Variants in HEPH observed in about 807,000 individuals in gnomAD.
HEPH encodes hephaestin.
HEPH carries 69 observed loss-of-function variants against 80.8 expected under a neutral mutation model. The observed-to-expected ratio is 0.85, with a 90% CI of 0.70 to 1.04. The LOEUF (loss-of-function observed/expected upper bound fraction) is 1.04, where lower values mean the gene tolerates loss of function less well. Ranked by LOEUF, HEPH falls within the 50% of genes least tolerant of loss-of-function variation. HEPH has a pLI of 0.00. For synonymous variants in HEPH, 431 were observed against 322.8 expected (o/e 1.34, Z -3.60); for missense variants, 1,115 against 891.3 (o/e 1.25, Z -3.20).
chrX:66,239,898 C>T (rs760947073), intron 15 of HEPH, among the ~76,000 whole-genome samples: 12 of 111,748 alleles, frequency 1.1e-4, no homozygotes, highest in Admixed American at 2.9e-4. Flanking sequence ...CTCCCACCTT[C>T]GTCACCCTTG....
chrX:66,190,369 A>C (rs1396953036), intron 6 of HEPH, among the ~76,000 whole-genome samples: 1 of 110,985 alleles, frequency 9.0e-6, no homozygotes, highest in Admixed American at 9.6e-5. Context: ...TCTGGTTGGA[A>C]CTCAATAGAA....
rs1283188245 is a variant in HEPH at position 66,255,101 on chromosome X, G to T, written c.2630G>T (p.Cys877Phe). 8.3e-7 allele frequency: 1 copy of T among 1,207,376 alleles called. No individual in the cohort carries two copies. Among genetic ancestry groups the T allele is most frequent in the East Asian group, 3.0e-5 (1 of 33,717 alleles). The change falls in exon 16 of 21, where the codon TGT (cysteine) becomes TTT (phenylalanine). Residue 877 changes from cysteine to phenylalanine, a missense_variant. Transcript: ENST00000343002. ...GGCCCTGGGCCCAATGACTCTGCTTGTGTTTCCTGGATCTATTATTCTGCA... is the reference window on the plus strand; with the variant it reads ...GGCCCTGGGCCCAATGACTCTGCTTTTGTTTCCTGGATCTATTATTCTGCA... ...RSGPGPNDSA[C>F]VSWIYYSAVD...
At chrX:66,221,905 G>A (rs777168912) in intron 15 of HEPH, among the ~76,000 whole-genome samples, 11 of 112,327 alleles carry the variant, frequency 9.8e-5, no homozygotes, top group African/African-American at 3.2e-4. Context: ...ATGGATGTGA[G>A]AGTCAAAAGA....
intron 15 of HEPH, among the ~76,000 whole-genome samples, chrX:66,247,038 G>C (rs180848868): frequency 2.7e-5 from 3 of 111,431 alleles, no homozygotes; most frequent in African/African-American, 3.3e-5. Flanking sequence ...GAAGAAATTG[G>C]CTATTAATCT....
At chrX:66,199,326 A>G (rs1053574879) in intron 11 of HEPH, among the ~76,000 whole-genome samples, 1 of 107,101 alleles carries the variant, frequency 9.3e-6, no homozygotes, top group South Asian at 4.1e-4. Flanking sequence ...TTCCAATCTT[A>G]TCTCCCCTCT....
chrX:66,250,915 G>A (rs982319920), intron 15 of HEPH, among the ~76,000 whole-genome samples: 2 of 111,865 alleles, frequency 1.8e-5, no homozygotes, highest in Admixed American at 9.5e-5. Context: ...ACAGAGTCTC[G>A]CTCTGTCACT....
chrX:66,238,289 A>G (rs988045233), intron 15 of HEPH, among the ~76,000 whole-genome samples: 12 of 110,208 alleles, frequency 1.1e-4, no homozygotes, highest in Non-Finnish European at 2.1e-4. Flanking sequence ...TTCCTTCAGG[A>G]GCTCTTGTAA....
rs138339099 is a variant in HEPH, at chrX:66,195,788, T to C, written c.1501+559T>C. On this transcript the variant is annotated intron_variant, in intron 9 of 20. Coordinates refer to ENST00000343002, the MANE Select transcript of HEPH (RefSeq NM_001367233.3). ...GTATTTTTGAATATTGTAAGTCAGG[T>C]TGCAATGAATGAATGCATATATCCT... is the stretch of plus-strand genomic sequence containing the variant. Among the ~76,000 whole-genome samples the C allele has an allele frequency of 4.9e-3, 554 of 111,990 alleles. 17 individuals carry two copies. In the East Asian group the frequency reaches 0.11, roughly 21 times the overall value.
At chrX:66,192,449 G>T in intron 7 of HEPH, 151 bp downstream of exon 7, 1 of 601,802 alleles carries the variant, frequency 1.7e-6, no homozygotes. Flanking sequence ...CCAAGTTCTT[G>T]TGTCCCCCTG....
intron 15 of HEPH, among the ~76,000 whole-genome samples, chrX:66,253,535 C>T (rs193285977): frequency 4.5e-5 from 5 of 112,133 alleles, no homozygotes; most frequent in Non-Finnish European, 9.4e-5. Flanking sequence ...AAATGGTGCA[C>T]GTGCTTTGGA....
chrX:66,238,575 G>A (rs954965489), intron 15 of HEPH, among the ~76,000 whole-genome samples: 1 of 111,643 alleles, frequency 9.0e-6, no homozygotes, highest in East Asian at 2.8e-4. Flanking sequence ...AAAGAATGTT[G>A]AACATTGCCT....
At chrX:66,216,871 A>G (rs566039009) in intron 15 of HEPH, among the ~76,000 whole-genome samples, 2 of 111,935 alleles carry the variant, frequency 1.8e-5, no homozygotes, top group African/African-American at 6.5e-5. Context: ...CAGCATAAGT[A>G]AATAGTTATG....
chrX:66,234,957 GT>G (rs1386390205), intron 15 of HEPH, among the ~76,000 whole-genome samples: 8 of 107,440 alleles, frequency 7.4e-5, no homozygotes, highest in Middle Eastern at 4.7e-3. Flanking sequence ...CCATTGAGCA[GT>G]TTTTTTTTTC....
intron 19 of HEPH, among the ~76,000 whole-genome samples, chrX:66,260,845 G>T (rs1221977931): frequency 9.1e-6 from 1 of 110,245 alleles, no homozygotes; most frequent in Non-Finnish European, 1.9e-5. Flanking sequence ...TGGCTCATTG[G>T]AGCCTCAGAC....
At chrX:66,243,631 C>T (rs770088721) in intron 15 of HEPH, among the ~76,000 whole-genome samples, 2 of 113,102 alleles carry the variant, frequency 1.8e-5, no homozygotes, top group Non-Finnish European at 3.7e-5. Context: ...CTTGGCACTT[C>T]GTGCCTTTGA....
chrX:66,226,065 G>A (rs2089877429), intron 15 of HEPH, among the ~76,000 whole-genome samples: 1 of 111,314 alleles, frequency 9.0e-6, no homozygotes, highest in South Asian at 3.8e-4. Context: ...GCATTCACTG[G>A]TAATTAGAAT....
chrX:66,238,505 A>C (rs926594651), intron 15 of HEPH, among the ~76,000 whole-genome samples: 3 of 111,152 alleles, frequency 2.7e-5, no homozygotes, highest in Non-Finnish European at 5.7e-5. Flanking sequence ...TGATCATGCC[A>C]CTGCACTCCA....
intron 13 of HEPH, among the ~76,000 whole-genome samples, chrX:66,204,894 G>A (rs1201497165): frequency 2.7e-5 from 3 of 111,611 alleles, no homozygotes; most frequent in Non-Finnish European, 5.7e-5. Flanking sequence ...TTCAGGTAGG[G>A]CCCAAGTGAG....
In HEPH at chrX:66,178,186, C is replaced by A. The variant is rs190444099; in HGVS notation, c.625+4385C>A. 3.2e-3 allele frequency among the ~76,000 whole-genome samples: 360 copies of A among 111,281 alleles called. 4 individuals carry two copies. The highest frequency in any genetic ancestry group is 0.011 in the African/African-American group (341 of 30,607). ...TTCAATTCCCACCTATGAGTGAGAACATGCAGTGTTTGGTTTTTTGTCCTT... is the reference window on the plus strand; with the variant it reads ...TTCAATTCCCACCTATGAGTGAGAAAATGCAGTGTTTGGTTTTTTGTCCTT... On this transcript the variant is annotated intron_variant, in intron 4 of 20. Transcript: ENST00000343002.
Sources: allele counts gnomAD v4.1 joint callset (sites outside exome capture counted in the v4.1 genomes callset), GRCh38; gene constraint gnomAD v4.1.1; transcripts MANE v1.5; gene names NCBI Gene and HGNC (gene_info 2026-07-23, HGNC 2026-07-21).